LHX5: variants seen among roughly 807,000 people sequenced by gnomAD.
The protein encoded by LHX5 is LIM homeobox 5.
In LHX5, 5 loss-of-function variants were observed where a neutral mutation model predicts 30.6. The ratio of observed to expected loss-of-function variants is 0.16; its 90% confidence interval spans 0.09 to 0.34. The LOEUF is 0.34. Ranked by LOEUF, LHX5 falls within the 10% of genes least tolerant of loss-of-function variation. The probability of loss-of-function intolerance (pLI) is 1.00; values close to 1 mark genes in which losing one functional copy is unlikely to be tolerated. For synonymous variants in LHX5, 266 were observed against 252.6 expected, an observed-to-expected ratio of 1.05 and a Z score of -0.50; for missense variants, 458 against 570.6, an observed-to-expected ratio of 0.80 and a Z score of 2.01.
rs748710809 is a variant in LHX5, at chr12:113,468,120, G to T, written c.675+7C>A. 1.9e-6 allele frequency: 3 copies of T among 1,549,608 alleles called. No homozygotes were observed. The highest frequency in any genetic ancestry group is 2.6e-6 in the Non-Finnish European group (3 of 1,150,356). ...GGCTAAGGAGCTGTGCCCGCCCCGG[G>T]CCGCACCTGGATGACGCGCATGTTG... On this transcript the variant is annotated splice_region_variant and intron_variant, in intron 3 of 4. Coordinates refer to ENST00000261731, the MANE Select transcript of LHX5 (RefSeq NM_022363.3).
intron 2 of LHX5, 58 bp downstream of exon 2, chr12:113,469,064 C>T (rs1958230949): frequency 1.5e-6 from 2 of 1,343,548 alleles, no homozygotes; most frequent in East Asian, 4.9e-5. Context: ...GAGTGCCAGG[C>T]TGGGCACGGT....
At chr12:113,470,457 G>A (rs1359458547) in intron 1 of LHX5, among the ~76,000 whole-genome samples, 1 of 152,238 alleles carries the variant, frequency 6.6e-6, no homozygotes, top group Non-Finnish European at 1.5e-5. Flanking sequence ...TAAAGGAGCG[G>A]CTGACATTTT....
chr12:113,464,009 G>T lies in LHX5; in HGVS notation c.842-452C>A, dbSNP rs1006240401. The stretch of plus-strand genomic sequence containing the variant: ...ACAGCGAGAGACAGACGGAGAGATC[G>T]GCAGAGGGGCAGAGAGAAAGGCGGA... On this transcript the variant is annotated intron_variant, in intron 4 of 4. Coordinates refer to ENST00000261731, the MANE Select transcript of LHX5 (RefSeq NM_022363.3). This position sits in a 1 kb window ranked among gnomAD's most constrained non-coding sequence, Gnocchi z 6.2. 6.6e-6 allele frequency among the ~76,000 whole-genome samples: 1 copy of T among 152,176 alleles called. No homozygotes were observed. The highest frequency in any genetic ancestry group is 1.5e-5 in the Non-Finnish European group (1 of 68,040).
In LHX5 at chr12:113,469,179, C is replaced by A; in HGVS notation, c.340G>T (p.Val114Leu). The A allele has an allele frequency of 6.2e-7, 1 of 1,614,220 alleles. No homozygotes were observed. The highest frequency in any genetic ancestry group is 8.5e-7 in the Non-Finnish European group (1 of 1,180,040). The change falls in exon 2 of 5, where the codon GTG (valine) becomes TTG (leucine). Residue 114 changes from valine (V) to leucine (L), a missense_variant. By Grantham distance (32) the Val-to-Leu change is conservative (BLOSUM62 1). This residue lies in a region of LHX5 where 178 missense variants were observed against 238.5 expected (regional missense o/e 0.75). Transcript: ENST00000261731. Reference protein sequence around the residue: ...ELYVIDENKFVCKDDYLSSSS... With the variant: ...ELYVIDENKFLCKDDYLSSSS... The stretch of plus-strand genomic sequence containing the variant: ...GAGCTCAGGTAGTCGTCTTTGCACA[C>A]GAACTTGTTCTCGTCGATGACGTAG...
intron 1 of LHX5, among the ~76,000 whole-genome samples, chr12:113,469,562 T>C (rs907320616): frequency 5.3e-5 from 8 of 152,306 alleles, no homozygotes; most frequent in Middle Eastern, 3.4e-3. Flanking sequence ...CACTGGGGCT[T>C]TTCAGACTCT....
rs754316912 is a variant in LHX5 at position 113,467,299 on chromosome 12, G to C, written c.798C>G (p.Asp266Glu). Residue 266 changes from aspartate to glutamate, a missense_variant, in exon 4 of 5, where the codon GAC (aspartate) becomes GAG (glutamate). By Grantham distance (45) the Asp-to-Glu change is conservative (BLOSUM62 2). Around this residue, in one of 3 missense-constraint regions of LHX5, gnomAD observed 255 missense variants for 246.8 expected, o/e 1.03. Transcript: ENST00000261731. This position sits in a 1 kb window ranked among gnomAD's most constrained non-coding sequence, Gnocchi z 6.3. ...RRMRPLGGRL[D>E]ESEMLGSTPY... ...GGGTGGACCCCAACATCTCAGACTC[G>C]TCCAAGCGGCCGCCCAGCGGACGCA... is the stretch of plus-strand genomic sequence containing the variant. 6.4e-7 allele frequency: 1 copy of C among 1,556,008 alleles called. No individual in the cohort carries two copies. Among genetic ancestry groups the C allele is most frequent in the Admixed American group, 1.9e-5 (1 of 53,168 alleles).
rs1958252425 is a variant in LHX5 at position 113,471,592 on chromosome 12, T to C, written c.-94A>G. 8.2e-7 allele frequency: 1 copy of C among 1,212,278 alleles called. No individual in the cohort carries two copies. The highest frequency in any genetic ancestry group is 1.5e-5 in the South Asian group (1 of 67,044). The allele number at this position is 1,212,278 out of a possible 1,614,324, so 75.1% of individuals were successfully genotyped here. A position where few individuals can be genotyped will look rare whatever the true frequency, so the allele number is the denominator to read the frequency against. ...GCCCTCCGCTGCCCTTCGCCTCTTG[T>C]CTCAGCAGCTGCAGGGCGAGTCTGG... is the stretch of plus-strand genomic sequence containing the variant. On this transcript the variant is annotated 5_prime_UTR_variant, in exon 1 of 5. Coordinates refer to ENST00000261731, the MANE Select transcript of LHX5 (RefSeq NM_022363.3).
Position 113,463,280 on chromosome 12 carries a change from G to C in LHX5, c.1119C>G (p.Pro373=), listed in dbSNP as rs1262545827. Residue 373 remains proline (P), a synonymous_variant, in exon 5 of 5, where the codon CCC becomes CCG. Coordinates refer to ENST00000261731, the MANE Select transcript of LHX5 (RefSeq NM_022363.3). The surrounding 1 kb of genome is among the most constrained non-coding windows in gnomAD (Gnocchi z 6.7). Reference sequence around the variant, plus strand: ...TGCCGCTCATTGGGAAGGGCGGGCTGGGCCCGCCGCTGAATACCTCGCCGG... The same window carrying C: ...TGCCGCTCATTGGGAAGGGCGGGCTCGGCCCGCCGCTGAATACCTCGCCGG... ...PMPGEVFSGG[P]SPPFPMSGTS... is the part of the protein sequence containing the mutation. 1.3e-6 allele frequency: 2 copies of C among 1,524,736 alleles called. No homozygotes were observed. The allele number at this position is 1,524,736 out of a possible 1,614,324, so 94.5% of individuals were successfully genotyped here. A position where few individuals can be genotyped will look rare whatever the true frequency, so the allele number is the denominator to read the frequency against.
chr12:113,468,417 G>A lies in LHX5; in HGVS notation c.398-13C>T, dbSNP rs199631605. ...GTACAGGATGACACTGCGGGCGGAC[G>A]GATCGGGAAGGGGACAGCGGCGTCA... On this transcript the variant is annotated splice_polypyrimidine_tract_variant and intron_variant, in intron 2 of 4. Coordinates refer to ENST00000261731, the MANE Select transcript of LHX5 (RefSeq NM_022363.3). The A allele has an allele frequency of 7.0e-4, 1,122 of 1,599,694 alleles. 1 individual carries two copies. The highest frequency in any genetic ancestry group is 8.6e-4 in the Non-Finnish European group (1,011 of 1,169,850).
Position 113,467,521 on chromosome 12 carries a change from C to G in LHX5, c.676-100G>C, listed in dbSNP as rs1182945405. On this transcript the variant is annotated intron_variant, in intron 3 of 4. Coordinates refer to ENST00000261731, the MANE Select transcript of LHX5 (RefSeq NM_022363.3). The surrounding 1 kb of genome is among the most constrained non-coding windows in gnomAD (Gnocchi z 6.3). ...GGCTGCCCCTGCTGGGTCCTTGCGCCTCTTCCGCACCAGGACTCCCCCGAG... is the reference window on the plus strand; with the variant it reads ...GGCTGCCCCTGCTGGGTCCTTGCGCGTCTTCCGCACCAGGACTCCCCCGAG... The G allele has an allele frequency of 1.8e-6, 2 of 1,126,654 alleles. No individual in the cohort carries two copies. Among genetic ancestry groups the G allele is most frequent in the Non-Finnish European group, 2.4e-6 (2 of 841,484 alleles). 69.8% of individuals were successfully genotyped at this position (1,126,654 alleles called of 1,614,324 possible). A position where few individuals can be genotyped will look rare whatever the true frequency, so the allele number is the denominator to read the frequency against.
At chr12:113,468,464 A>C (rs1445450979) in intron 2 of LHX5, 60 bp from the exon 3 acceptor site, 1 of 1,524,010 alleles carries the variant, frequency 6.6e-7, no homozygotes, top group East Asian at 2.4e-5. Context: ...ACGCCTCTTC[A>C]GTCCAGTGGC....
Position 113,463,489 on chromosome 12 carries a change from C to T in LHX5, c.910G>A (p.Ala304Thr), listed in dbSNP as rs1958191339. Residue 304 changes from alanine to threonine, a missense_variant, in exon 5 of 5, where the codon GCG (alanine) becomes ACG (threonine). Physicochemically the swap from Ala to Thr is moderately conservative, Grantham distance 58. Coordinates refer to ENST00000261731, the MANE Select transcript of LHX5 (RefSeq NM_022363.3). The surrounding 1 kb of genome is among the most constrained non-coding windows in gnomAD (Gnocchi z 6.7). ...DFFAHGPPSQ[A>T]QSPADSSFLA... ...AAGCTGGAGTCGGCCGGGGACTGCG[C>T]CTGCGAAGGCGGGCCGTGCGCGAAG... The T allele has an allele frequency of 1.9e-6, 3 of 1,567,486 alleles. No homozygotes were observed. The highest frequency in any genetic ancestry group is 2.6e-6 in the Non-Finnish European group (3 of 1,163,730).
chr12:113,466,559 C>G lies in LHX5; in HGVS notation c.841+697G>C, dbSNP rs928290709. Among the ~76,000 whole-genome samples the G allele has an allele frequency of 2.6e-5, 4 of 152,202 alleles. No individual in the cohort carries two copies. Among genetic ancestry groups the G allele is most frequent in the Non-Finnish European group, 5.9e-5 (4 of 68,036 alleles). The stretch of plus-strand genomic sequence containing the variant: ...CACTTGTGCCCCCAGTCTGTAGGAA[C>G]CCCAGGGGTCTCGGGGCTGGAGGGT... On this transcript the variant is annotated intron_variant, in intron 4 of 4. Coordinates refer to ENST00000261731, the MANE Select transcript of LHX5 (RefSeq NM_022363.3). This position sits in a 1 kb window ranked among gnomAD's most constrained non-coding sequence, Gnocchi z 6.5.
In LHX5 at chr12:113,471,809, CCGG is replaced by C; in HGVS notation, c.-314_-312del. On this transcript the variant is annotated 5_prime_UTR_variant, in exon 1 of 5. Coordinates refer to ENST00000261731, the MANE Select transcript of LHX5 (RefSeq NM_022363.3). ...CCTCGGCGCTGCGGAGCGGCTTTCCCCGGTGGCGGAGGCGCCGGCACTTTCCCC... is the reference window on the plus strand; with the variant it reads ...CCTCGGCGCTGCGGAGCGGCTTTCCCTGGCGGAGGCGCCGGCACTTTCCCC... 2.7e-6 allele frequency: 1 copy of C among 367,612 alleles called. No homozygotes were observed. The allele number at this position is 367,612 out of a possible 1,614,324, so 22.8% of individuals were successfully genotyped here. A position where few individuals can be genotyped will look rare whatever the true frequency, so the allele number is the denominator to read the frequency against.
rs572024022 is a variant in LHX5, at chr12:113,467,118, T to G, written c.841+138A>C. The G allele has an allele frequency of 1.0e-5, 8 of 767,460 alleles. No homozygotes were observed. The highest frequency in any genetic ancestry group is 5.4e-5 in the African/African-American group (3 of 56,026). 47.5% of individuals were successfully genotyped at this position (767,460 alleles called of 1,614,324 possible). A position where few individuals can be genotyped will look rare whatever the true frequency, so the allele number is the denominator to read the frequency against. On this transcript the variant is annotated intron_variant, in intron 4 of 4. Coordinates refer to ENST00000261731, the MANE Select transcript of LHX5 (RefSeq NM_022363.3). This position sits in a 1 kb window ranked among gnomAD's most constrained non-coding sequence, Gnocchi z 6.3. ...TTTGTGTCCAGGACATGTGGGTGAG[T>G]GTACATGTGTCTGTGATCGTGTGTC...
chr12:113,468,288 C>T lies in LHX5; in HGVS notation c.514G>A (p.Glu172Lys). 6.2e-7 allele frequency: 1 copy of T among 1,614,166 alleles called. No homozygotes were observed. The change falls in exon 3 of 5, where the codon GAG (glutamate) becomes AAG (lysine). Residue 172 changes from glutamate to lysine, a missense_variant. Glu to Lys is a moderately conservative substitution (Grantham distance 56). Transcript: ENST00000261731. ...SDKETANNEN[E>K]EQNSGTKRRG... ...CGCTTGGTGCCCGAGTTCTGCTCCT[C>T]GTTCTCGTTGTTGGCCGTCTCCTTG...
intron 1 of LHX5, 69 bp downstream of exon 1, chr12:113,471,257 C>T: frequency 5.2e-6 from 8 of 1,544,706 alleles, no homozygotes; most frequent in Non-Finnish European, 7.1e-6. Flanking sequence ...GGGGTATCCC[C>T]TTCCCCAGCG....
chr12:113,470,474 T>C (rs1958242126), intron 1 of LHX5, among the ~76,000 whole-genome samples: 1 of 152,228 alleles, frequency 6.6e-6, no homozygotes, highest in Non-Finnish European at 1.5e-5. Context: ...TTTTCTCCCA[T>C]TCAAATTCTC....
intron 2 of LHX5, 40 bp from the exon 3 acceptor site, chr12:113,468,444 C>A: frequency 6.4e-7 from 1 of 1,567,234 alleles, no homozygotes; most frequent in Admixed American, 1.8e-5. Flanking sequence ...GCGGCGTCAG[C>A]GACGGCCAGA....
Sources: gnomAD v4.1 joint callset for allele counts (sites outside exome capture counted in the v4.1 genomes callset) on GRCh38, gnomAD v4.1.1 for gene constraint, gnomAD v4.1.1 regional missense constraint, Gnocchi (gnomAD v3.1) non-coding constraint, MANE v1.5 for transcripts, NCBI Gene and HGNC (gene_info 2026-07-23, HGNC 2026-07-21) for gene names.